The following SLC9A9 variants were observed in gnomAD, a reference collection of about 807,000 sequenced individuals.
SLC9A9 encodes the protein solute carrier family 9 member A9.
SLC9A9 carries 62 observed loss-of-function variants against 77.8 expected under a neutral mutation model. The ratio of observed to expected loss-of-function variants is 0.80; its 90% CI spans 0.65 to 0.98. The LOEUF (loss-of-function observed/expected upper bound fraction) is 0.98, where lower values mean the gene tolerates loss of function less well. Ranked by LOEUF, SLC9A9 falls within the 50% of genes least tolerant of loss-of-function variation. SLC9A9 has a pLI of 0.00. For synonymous variants in SLC9A9, 320 were observed against 283.5 expected, an observed-to-expected ratio of 1.13 and a Z score of -1.29; for missense variants, 775 against 774.9, an observed-to-expected ratio of 1.00 and a Z score of 0.00.
chr3:143,513,879 C>G (rs1251557878), intron 9 of SLC9A9, among the ~76,000 whole-genome samples: 4 of 152,172 alleles, frequency 2.6e-5, no homozygotes, highest in Non-Finnish European at 5.9e-5. Context: ...TATATGTGCA[C>G]AACGTGCAGG....
At position 143,266,322 on chromosome 3, in the gene SLC9A9, T is replaced by C. The variant is rs1937712453; in HGVS notation, c.*380A>G. The C allele has an allele frequency of 3.5e-6, 2 of 570,688 alleles. No homozygotes were observed. Among genetic ancestry groups the C allele is most frequent in the East Asian group, 3.0e-5 (1 of 33,784 alleles). The allele number at this position is 570,688 out of a possible 1,614,324, so 35.4% of individuals were successfully genotyped here. On this transcript the variant is annotated 3_prime_UTR_variant, in exon 16 of 16. Coordinates refer to ENST00000316549, the MANE Select transcript of SLC9A9 (RefSeq NM_173653.4). Reference sequence around the variant, plus strand: ...GAAGCTTTCTTTTATTTTTAAACTCTCCTTAATGGAGGGAATAAAATCCAG... The same window carrying C: ...GAAGCTTTCTTTTATTTTTAAACTCCCCTTAATGGAGGGAATAAAATCCAG...
intron 14 of SLC9A9, among the ~76,000 whole-genome samples, chr3:143,345,430 G>A (rs1576438545): frequency 6.6e-6 from 1 of 152,274 alleles, no homozygotes; most frequent in Non-Finnish European, 1.5e-5. Flanking sequence ...CATATATGTT[G>A]CTCAAAAGAC....
chr3:143,473,204 T>C (rs990563542), intron 11 of SLC9A9, among the ~76,000 whole-genome samples: 1 of 152,150 alleles, frequency 6.6e-6, no homozygotes, highest in Admixed American at 6.5e-5. Context: ...CCCGAACCAC[T>C]CTCTGGTCTT....
intron 4 of SLC9A9, among the ~76,000 whole-genome samples, chr3:143,774,318 T>C (rs1396707479): frequency 2.0e-5 from 3 of 152,222 alleles, no homozygotes; most frequent in Admixed American, 6.5e-5. Context: ...TATTTTATTT[T>C]TGAAGTTGAG....
In SLC9A9 at chr3:143,733,401, C is replaced by G. The variant is rs114665434; in HGVS notation, c.534-40094G>C. Among the ~76,000 whole-genome samples the G allele has an allele frequency of 3.4e-3, 524 of 151,936 alleles. 5 individuals carry two copies. Among genetic ancestry groups the G allele is most frequent in the African/African-American group, 0.012 (494 of 41,412 alleles). On this transcript the variant is annotated intron_variant, in intron 4 of 15. Coordinates refer to ENST00000316549, the MANE Select transcript of SLC9A9 (RefSeq NM_173653.4). Reference sequence around the variant, plus strand: ...AGAAGATTTTACATATTGGTGTGTCCCTGGGCTGGGGGTTGGGTGTATGAA... The same window carrying G: ...AGAAGATTTTACATATTGGTGTGTCGCTGGGCTGGGGGTTGGGTGTATGAA...
At chr3:143,697,609 A>C (rs1345906362) in intron 4 of SLC9A9, among the ~76,000 whole-genome samples, 1 of 152,168 alleles carries the variant, frequency 6.6e-6, no homozygotes, top group Non-Finnish European at 1.5e-5. Flanking sequence ...GAATCCAGGC[A>C]GCTGGACACC....
At chr3:143,337,981 G>A (rs2031978276) in intron 14 of SLC9A9, among the ~76,000 whole-genome samples, 1 of 152,174 alleles carries the variant, frequency 6.6e-6, no homozygotes, top group Non-Finnish European at 1.5e-5. Flanking sequence ...GAAGAAAGGA[G>A]GGATCCCTGA....
rs1161309853 is a variant in SLC9A9 at position 143,437,126 on chromosome 3, G to A, written c.1469+29911C>T. 1.6e-4 allele frequency among the ~76,000 whole-genome samples: 24 copies of A among 152,190 alleles called. 1 individual carries two copies. The highest frequency in any genetic ancestry group is 3.1e-4 in the Non-Finnish European group (21 of 68,040). On this transcript the variant is annotated intron_variant, in intron 12 of 15. Transcript: ENST00000316549. The stretch of plus-strand genomic sequence containing the variant: ...TGTCAGCAGGACTAGGTCTACTTGA[G>A]TTCCCCACTATTGTCCCAGCCACAG...
At chr3:143,545,508 C>T (rs530435484) in intron 9 of SLC9A9, among the ~76,000 whole-genome samples, 1 of 152,338 alleles carries the variant, frequency 6.6e-6, no homozygotes, top group South Asian at 2.1e-4. Flanking sequence ...ATGGTGCCAA[C>T]CATGCAACTA....
intron 9 of SLC9A9, chr3:143,517,481 C>A (rs1313941814): frequency 5.6e-6 from 9 of 1,597,866 alleles, no homozygotes; most frequent in African/African-American, 1.3e-5. Context: ...TCGTTCTGTT[C>A]TTTCTTTGAT....
At chr3:143,413,710 G>A (rs1355319753) in intron 12 of SLC9A9, among the ~76,000 whole-genome samples, 1 of 152,138 alleles carries the variant, frequency 6.6e-6, no homozygotes, top group Non-Finnish European at 1.5e-5. Flanking sequence ...TGTTCTCACT[G>A]TACCATTTTC....
At chr3:143,497,997 CTT>C (rs577018626) in intron 9 of SLC9A9, among the ~76,000 whole-genome samples, 104 of 152,234 alleles carry the variant, frequency 6.8e-4, no homozygotes, top group African/African-American at 2.4e-3. Flanking sequence ...TGATGGGAAT[CTT>C]TGCGCTACAT....
intron 14 of SLC9A9, among the ~76,000 whole-genome samples, chr3:143,351,677 T>A (rs1418399694): frequency 5.3e-5 from 8 of 152,214 alleles, no homozygotes; most frequent in Admixed American, 5.2e-4. Flanking sequence ...GAGACTTATG[T>A]ACTCATCATA....
At chr3:143,422,640 G>A (rs982840332) in intron 12 of SLC9A9, among the ~76,000 whole-genome samples, 2 of 152,022 alleles carry the variant, frequency 1.3e-5, no homozygotes, top group African/African-American at 4.8e-5. Context: ...CTACCTATTG[G>A]GTCCTATGCT....
chr3:143,693,363 A>C, intron 4 of SLC9A9, 56 bp from the exon 5 acceptor site: 1 of 1,353,828 alleles, frequency 7.4e-7, no homozygotes, highest in Admixed American at 1.7e-5. Context: ...GTGTAAACCC[A>C]TGCTATCATA....
chr3:143,448,353 A>C (rs1029536588), intron 12 of SLC9A9, among the ~76,000 whole-genome samples: 5 of 152,188 alleles, frequency 3.3e-5, no homozygotes, highest in Non-Finnish European at 7.3e-5. Context: ...GAGTCTGGAA[A>C]GATTTCTCTA....
intron 12 of SLC9A9, among the ~76,000 whole-genome samples, chr3:143,426,107 G>A (rs1176044540): frequency 2.0e-5 from 3 of 152,050 alleles, no homozygotes; most frequent in Admixed American, 6.6e-5. Flanking sequence ...ATCGTTAAGT[G>A]CCCAAGAATC....
chr3:143,316,437 T>C (rs1321407814), intron 14 of SLC9A9, among the ~76,000 whole-genome samples: 1 of 152,194 alleles, frequency 6.6e-6, no homozygotes, highest in African/African-American at 2.4e-5. Flanking sequence ...TCTGGGAGCA[T>C]ATAGGACTGG....
At chr3:143,324,561 C>A (rs1473943691) in intron 14 of SLC9A9, among the ~76,000 whole-genome samples, 1 of 152,192 alleles carries the variant, frequency 6.6e-6, no homozygotes, top group African/African-American at 2.4e-5. Flanking sequence ...GTGGCTCATG[C>A]CTGTAATCCC....
Sources: gnomAD v4.1 joint callset for allele counts (sites outside exome capture counted in the v4.1 genomes callset) on GRCh38, gnomAD v4.1.1 for gene constraint, MANE v1.5 for transcripts, NCBI Gene and HGNC (gene_info 2026-07-23, HGNC 2026-07-21) for gene names.